Variants in RAPGEF5 observed in about 807,000 individuals in gnomAD.
The protein encoded by RAPGEF5 is M-Ras-regulated GEF.
A neutral mutation model predicts 125.2 loss-of-function variants in RAPGEF5; 65 were observed. The ratio of observed to expected loss-of-function variants is 0.52; its 90% CI spans 0.43 to 0.64. The LOEUF is 0.64. RAPGEF5 is among the 30% of genes least tolerant of loss of function. RAPGEF5 has a pLI of 0.00. For synonymous variants in RAPGEF5, 391 were observed against 385.9 expected, an observed-to-expected ratio of 1.01 and a Z score of -0.16; for missense variants, 958 against 1,048.1, an observed-to-expected ratio of 0.91 and a Z score of 1.19.
intron 7 of RAPGEF5, among the ~76,000 whole-genome samples, chr7:22,255,920 T>C (rs1786748146): frequency 6.6e-6 from 1 of 152,186 alleles, no homozygotes; most frequent in Non-Finnish European, 1.5e-5. Flanking sequence ...AGACCAGGTG[T>C]TGGAAAACCT....
chr7:22,318,354 C>T lies in RAPGEF5; in HGVS notation c.232-317G>A, dbSNP rs571376304. On this transcript the variant is annotated intron_variant, in intron 1 of 25. Coordinates refer to ENST00000665637, the MANE Select transcript of RAPGEF5 (RefSeq NM_012294.5). ...GTGTTTTGGATTCCATTTCTCCTTT[C>T]CTTTTCCTCACCCTAACTCAGGCCT... is the stretch of plus-strand genomic sequence containing the variant. Among the ~76,000 whole-genome samples, 4 of 152,238 alleles carry T rather than the reference C, an allele frequency of 2.6e-5. 1 individual carries two copies. The highest frequency in any genetic ancestry group is 9.6e-5 in the African/African-American group (4 of 41,534).
intron 9 of RAPGEF5, among the ~76,000 whole-genome samples, chr7:22,218,167 G>C (rs2128132151): frequency 6.6e-6 from 1 of 152,162 alleles, no homozygotes; most frequent in East Asian, 1.9e-4. Context: ...GATTTCTATA[G>C]TTACAGATTT....
intron 5 of RAPGEF5, among the ~76,000 whole-genome samples, chr7:22,300,640 T>C (rs1360511975): frequency 6.6e-6 from 1 of 152,160 alleles, no homozygotes; most frequent in Non-Finnish European, 1.5e-5. Context: ...CACATTTGTG[T>C]AGTTCATACA....
At chr7:22,147,273 C>T (rs866694447) in intron 18 of RAPGEF5, among the ~76,000 whole-genome samples, 12 of 152,210 alleles carry the variant, frequency 7.9e-5, no homozygotes, top group East Asian at 3.9e-4. Flanking sequence ...CCTACCCCCA[C>T]GTGCACACAT....
In RAPGEF5 at chr7:22,156,795, TC is replaced by T. The variant is rs749483522; in HGVS notation, c.1636+14del. The T allele has an allele frequency of 6.2e-7, 1 of 1,613,766 alleles. No homozygotes were observed. Among genetic ancestry groups the T allele is most frequent in the Non-Finnish European group, 8.5e-7 (1 of 1,179,776 alleles). On this transcript the variant is annotated intron_variant, in intron 16 of 25. Transcript: ENST00000665637. ...TGCTGCCCACCCCCAAACCCTCACT[TC>T]AAACCATACTCACTTTCCTCCGTTT...
intron 7 of RAPGEF5, among the ~76,000 whole-genome samples, chr7:22,258,575 G>T (rs1189073503): frequency 7.9e-6 from 1 of 126,846 alleles, no homozygotes; most frequent in African/African-American, 3.0e-5. Flanking sequence ...GGTGAGCCAA[G>T]ATCGCGCCAT....
At chr7:22,314,619 G>A in intron 3 of RAPGEF5, 1 of 982,114 alleles carries the variant, frequency 1.0e-6, no homozygotes, top group South Asian at 4.7e-5. Context: ...CTCTTGATGG[G>A]TATTGCACGT....
intron 6 of RAPGEF5, among the ~76,000 whole-genome samples, chr7:22,277,031 T>C (rs965261168): frequency 4.6e-5 from 7 of 152,212 alleles, no homozygotes; most frequent in African/African-American, 1.7e-4. Context: ...TTATTATATT[T>C]CACCTACCTA....
At chr7:22,309,836 AAG>A (rs1783427829) in intron 4 of RAPGEF5, 131 bp downstream of exon 4, 2 of 1,061,970 alleles carry the variant, frequency 1.9e-6, no homozygotes, top group Admixed American at 3.9e-5. Context: ...CTTAGAAAAT[AAG>A]AGAGAATACA....
intron 1 of RAPGEF5, among the ~76,000 whole-genome samples, chr7:22,347,791 T>C (rs1030526111): frequency 2.0e-5 from 3 of 152,216 alleles, no homozygotes; most frequent in African/African-American, 7.2e-5. Context: ...CAGGTCTAAA[T>C]GAGTTACTGT....
At chr7:22,282,635 C>G (rs540453947) in intron 6 of RAPGEF5, among the ~76,000 whole-genome samples, 1 of 152,244 alleles carries the variant, frequency 6.6e-6, no homozygotes, top group Non-Finnish European at 1.5e-5. Flanking sequence ...GGTAATACAC[C>G]CTGTCATGTG....
chr7:22,310,588 T>G (rs77442215), intron 3 of RAPGEF5, among the ~76,000 whole-genome samples: 2,559 of 152,314 alleles, frequency 0.017, 64 homozygotes, highest in African/African-American at 0.058. Context: ...TATTTATAGA[T>G]TTTTATCTAG....
In RAPGEF5 at chr7:22,122,323, T is replaced by C; in HGVS notation, c.*83A>G. The C allele has an allele frequency of 4.3e-6, 5 of 1,159,296 alleles. No homozygotes were observed. Among genetic ancestry groups the C allele is most frequent in the Non-Finnish European group, 6.3e-6 (5 of 793,166 alleles). The allele number at this position is 1,159,296 out of a possible 1,614,324, so 71.8% of individuals were successfully genotyped here. A position where few individuals can be genotyped will look rare whatever the true frequency, so the allele number is the denominator to read the frequency against. On this transcript the variant is annotated 3_prime_UTR_variant, in exon 26 of 26. Transcript: ENST00000665637. The stretch of plus-strand genomic sequence containing the variant: ...ACTGATAAAACTCAGCAACTTCTTT[T>C]CTCACAGGAAAGCAACGTGCTTGGC...
At chr7:22,346,692 T>C (rs1332982566) in intron 1 of RAPGEF5, among the ~76,000 whole-genome samples, 1 of 152,168 alleles carries the variant, frequency 6.6e-6, no homozygotes, top group Non-Finnish European at 1.5e-5. Context: ...GAGTTTAAGT[T>C]GCTAGACCAG....
chr7:22,140,172 T>C (rs1471216966), intron 20 of RAPGEF5, 57 bp from the exon 21 acceptor site: 2 of 1,465,978 alleles, frequency 1.4e-6, no homozygotes, highest in Non-Finnish European at 1.9e-6. Flanking sequence ...CCCCAGATAA[T>C]CACAAAAGAT....
intron 3 of RAPGEF5, among the ~76,000 whole-genome samples, chr7:22,312,565 C>T (rs1454679445): frequency 6.6e-6 from 1 of 152,148 alleles, no homozygotes; most frequent in Admixed American, 6.5e-5. Context: ...AAGCCCCAAT[C>T]CCCCAGATCC....
chr7:22,351,579 G>A (rs1859741), intron 1 of RAPGEF5, among the ~76,000 whole-genome samples: 19,526 of 152,084 alleles, frequency 0.13, 1,418 homozygotes, highest in Admixed American at 0.18. Context: ...CTTCATCTGT[G>A]GAATGCAAAT....
chr7:22,272,445 G>C (rs146099789), intron 6 of RAPGEF5, among the ~76,000 whole-genome samples: 3 of 150,948 alleles, frequency 2.0e-5, no homozygotes, highest in Admixed American at 2.0e-4. Flanking sequence ...AGTTACCAAA[G>C]CGTTGTCCTT....
At chr7:22,195,009 G>C (rs527665194) in intron 9 of RAPGEF5, among the ~76,000 whole-genome samples, 1 of 152,338 alleles carries the variant, frequency 6.6e-6, no homozygotes, top group African/African-American at 2.4e-5. Context: ...TATTTCTGAG[G>C]ATTGGAGCAA....
Sources: gnomAD v4.1 joint callset for allele counts (sites outside exome capture counted in the v4.1 genomes callset) on GRCh38, gnomAD v4.1.1 for gene constraint, MANE v1.5 for transcripts, NCBI Gene and HGNC (gene_info 2026-07-23, HGNC 2026-07-21) for gene names.